The following BRAT1 variants were observed in gnomAD, a reference collection of about 807,000 sequenced individuals.
The protein encoded by BRAT1 is integrator complex assembly factor BRAT1.
BRAT1 carries 74 observed loss-of-function variants against 70.6 expected under a neutral mutation model. The ratio of observed to expected loss-of-function variants is 1.05; its 90% confidence interval spans 0.87 to 1.27. The LOEUF (loss-of-function observed/expected upper bound fraction) is 1.27, where lower values mean the gene tolerates loss of function less well. BRAT1 is among the 50% of genes most tolerant of loss of function. BRAT1 has a pLI of 0.00. For synonymous variants in BRAT1, 615 were observed against 517.1 expected (o/e 1.19, Z -2.57); for missense variants, 1,203 against 1,098.2 (o/e 1.10, Z -1.35).
Position 2,547,402 on chromosome 7 carries a change from C to T in BRAT1, c.204G>A (p.Leu68=). The T allele has an allele frequency of 1.2e-6, 2 of 1,614,138 alleles. No individual in the cohort carries two copies. Among genetic ancestry groups the T allele is most frequent in the Admixed American group, 1.7e-5 (1 of 60,020 alleles). ...LLSHVLKVQD[L]SSGVLSFSLR... ...GTGAGAAGGAGAGGACCCCAGAACTCAGGTCCTGGACTTTCAGCACATGGG... is the reference window on the plus strand; with the variant it reads ...GTGAGAAGGAGAGGACCCCAGAACTTAGGTCCTGGACTTTCAGCACATGGG... Residue 68 remains leucine (L), a synonymous_variant, in exon 3 of 14, where the codon CTG becomes CTA. Coordinates refer to ENST00000340611, the MANE Select transcript of BRAT1 (RefSeq NM_152743.4).
chr7:2,541,940 T>C (rs1779205215), intron 7 of BRAT1, 104 bp from the exon 8 acceptor site: 3 of 1,334,980 alleles, frequency 2.2e-6, no homozygotes, highest in South Asian at 1.3e-5. Context: ...AGGACCTAGG[T>C]GCAGAGCAGC....
intron 3 of BRAT1, among the ~76,000 whole-genome samples, chr7:2,545,576 G>A (rs1362209247): frequency 6.8e-6 from 1 of 146,966 alleles, no homozygotes; most frequent in Non-Finnish European, 1.5e-5. Context: ...TGCAACCTCT[G>A]CCTCCTGGGC....
At chr7:2,549,551 T>C (rs1481775687) in intron 2 of BRAT1, among the ~76,000 whole-genome samples, 3 of 151,656 alleles carry the variant, frequency 2.0e-5, no homozygotes, top group Non-Finnish European at 2.9e-5. Flanking sequence ...TTTATCAATC[T>C]GATGGAGGGC....
rs371170298 is a variant in BRAT1, at chr7:2,539,874, G to C, written c.1410C>G (p.Ala470=). 8.3e-6 allele frequency: 13 copies of C among 1,574,618 alleles called. 1 individual carries two copies. In the African/African-American group the frequency reaches 1.2e-4, roughly 15 times the overall value. The change falls in exon 11 of 14, where the codon GCC becomes GCG. Residue 470 remains alanine, a synonymous_variant. Coordinates refer to ENST00000340611, the MANE Select transcript of BRAT1 (RefSeq NM_152743.4). ...GGAGCCACCTGAGCGTGGCCTGGAAGGCCTTCTTCAGAACCTGGAGCAGAT... is the reference window on the plus strand; with the variant it reads ...GGAGCCACCTGAGCGTGGCCTGGAACGCCTTCTTCAGAACCTGGAGCAGAT... ...PGSSPTVLKK[A]FQATLRWLLS...
Position 2,542,137 on chromosome 7 carries a change from T to G in BRAT1, c.998A>C (p.Gln333Pro). 1 of 1,563,252 alleles carries G rather than the reference T, an allele frequency of 6.4e-7. No individual in the cohort carries two copies. Among genetic ancestry groups the G allele is most frequent in the East Asian group, 2.4e-5 (1 of 42,536 alleles). Residue 333 changes from glutamine to proline, a missense_variant, in exon 7 of 14, where the codon CAG becomes CCG. By Grantham distance (76) the Gln-to-Pro change is moderately conservative. Transcript: ENST00000340611. ...CAGCACACCTGGGGGTCCGGGGGCCTGAACCGTGGCCTTCAGGACACAGGC... is the reference window on the plus strand; with the variant it reads ...CAGCACACCTGGGGGTCCGGGGGCCGGAACCGTGGCCTTCAGGACACAGGC... ...PLACVLKATV[Q>P]APGPPGLLDG...
At chr7:2,547,620 G>T in intron 2 of BRAT1, 142 bp from the exon 3 acceptor site, 1 of 842,774 alleles carries the variant, frequency 1.2e-6, no homozygotes, top group Non-Finnish European at 1.8e-6. Context: ...AAAAATATCT[G>T]CAACAAATAC....
chr7:2,539,884 A>C lies in BRAT1; in HGVS notation c.1400T>G (p.Leu467Arg), dbSNP rs775626426. The C allele has an allele frequency of 1.3e-6, 2 of 1,561,658 alleles. No individual in the cohort carries two copies. Among genetic ancestry groups the C allele is most frequent in the Admixed American group, 3.9e-5 (2 of 50,652 alleles). The change falls in exon 11 of 14, where the codon CTG becomes CGG. Residue 467 changes from leucine (L) to arginine (R), a missense_variant. Leu to Arg is a moderately radical substitution (Grantham distance 102). Coordinates refer to ENST00000340611, the MANE Select transcript of BRAT1 (RefSeq NM_152743.4). ...LESPGSSPTVLKKAFQATLRW... is the reference protein window; with the variant it reads ...LESPGSSPTVRKKAFQATLRW... The stretch of plus-strand genomic sequence containing the variant: ...GAGCGTGGCCTGGAAGGCCTTCTTC[A>C]GAACCTGGAGCAGATAGGGTGGGCT...
At position 2,539,651 on chromosome 7, in the gene BRAT1, G is replaced by T; in HGVS notation, c.1499-9C>A. The T allele has an allele frequency of 6.3e-7, 1 of 1,584,524 alleles. No homozygotes were observed. The highest frequency in any genetic ancestry group is 1.3e-5 in the African/African-American group (1 of 74,280). On this transcript the variant is annotated splice_polypyrimidine_tract_variant and intron_variant, in intron 11 of 13. Transcript: ENST00000340611. ...CAGCACAGGGAACAGCTCTAGGGTG[G>T]GAAGGGACAGGTCAGGGTGACCTTG...
Position 2,541,848 on chromosome 7 carries a change from G to A in BRAT1, c.1016-12C>T. On this transcript the variant is annotated splice_polypyrimidine_tract_variant and intron_variant, in intron 7 of 13. Transcript: ENST00000340611. ...CCCGTCCAGCAAGCCTGGGGGCCAA[G>A]CCAGGAAGAGCTCCCTTAGAGAGCA... The A allele has an allele frequency of 6.2e-7, 1 of 1,611,488 alleles. No homozygotes were observed. Among genetic ancestry groups the A allele is most frequent in the South Asian group, 1.1e-5 (1 of 90,996 alleles).
chr7:2,545,026 C>A lies in BRAT1; in HGVS notation c.313G>T (p.Glu105Ter). ...QGELLPGLFG[E>*]PGPLGRATWA... is the part of the protein sequence containing the mutation. ...GTTGCTCGGCCGAGGGGTCCTGGCT[C>A]CCCAAAGAGCCCTGGTAGTAACTCC... The change falls in exon 4 of 14, where the codon GAG becomes TAG. Residue 105 changes from glutamate (E) to a stop codon, truncating the protein, a stop_gained. Transcript: ENST00000340611. LOFTEE classifies it high-confidence loss of function. The A allele has an allele frequency of 2.0e-6, 3 of 1,520,780 alleles. No individual in the cohort carries two copies. The highest frequency in any genetic ancestry group is 1.8e-6 in the Non-Finnish European group (2 of 1,133,348). The allele number at this position is 1,520,780 out of a possible 1,614,324, so 94.2% of individuals were successfully genotyped here.
intron 2 of BRAT1, among the ~76,000 whole-genome samples, chr7:2,552,104 ATATTTTTTTTTT>A (rs1453170045): frequency 7.5e-5 from 1 of 13,384 alleles, no homozygotes; most frequent in African/African-American, 2.5e-4. Flanking sequence ...ATATATATAT[ATATTTTTTTTTT>A]TTTTTTTTTT....
At position 2,543,586 on chromosome 7, in the gene BRAT1, T is replaced by C; in HGVS notation, c.803+4A>G. ...GCCCCCCAGCTGCGTCCCGGGGCCC[T>C]GACCGAGCCACACAGAGAAGCAGGT... On this transcript the variant is annotated splice_donor_region_variant and intron_variant, in intron 5 of 13. Transcript: ENST00000340611. This position sits in a 1 kb window ranked among gnomAD's most constrained non-coding sequence, Gnocchi z 5.5. 2 of 1,509,306 alleles carry C rather than the reference T, an allele frequency of 1.3e-6. No individual in the cohort carries two copies. Among genetic ancestry groups the C allele is most frequent in the Non-Finnish European group, 1.8e-6 (2 of 1,127,630 alleles). The allele number at this position is 1,509,306 out of a possible 1,614,324, so 93.5% of individuals were successfully genotyped here.
At chr7:2,546,191 A>T (rs1212619135) in intron 3 of BRAT1, among the ~76,000 whole-genome samples, 1 of 152,168 alleles carries the variant, frequency 6.6e-6, no homozygotes, top group East Asian at 1.9e-4. Context: ...ACTGTATCCC[A>T]ACACTTTGGG....
chr7:2,541,507 C>A, intron 8 of BRAT1, 23 bp from the exon 9 acceptor site: 1 of 1,517,686 alleles, frequency 6.6e-7, no homozygotes, highest in African/African-American at 1.4e-5. Flanking sequence ...GGGCCGTCAG[C>A]CAAGGTTGCG....
At chr7:2,555,085 T>C (rs1583348328) in intron 1 of BRAT1, among the ~76,000 whole-genome samples, 1 of 107,852 alleles carries the variant, frequency 9.3e-6, no homozygotes, top group Non-Finnish European at 1.8e-5. Flanking sequence ...TGGCTGCATC[T>C]GAAGCCGGCG....
In BRAT1 at chr7:2,543,708, G is replaced by GGCA. The variant is rs1779363898; in HGVS notation, c.682_684dup (p.Cys228dup). On this transcript the variant is annotated inframe_insertion, in exon 5 of 14. Coordinates refer to ENST00000340611, the MANE Select transcript of BRAT1 (RefSeq NM_152743.4). This position sits in a 1 kb window ranked among gnomAD's most constrained non-coding sequence, Gnocchi z 5.5. ...CACAGGGCTTCCGTCCAGGGGCTCT[G>GGCA]GCAGCGCCCGAAGGTCGTGGTCAGG... 1 of 1,579,794 alleles carries GGCA rather than the reference G, an allele frequency of 6.3e-7. No homozygotes were observed. The highest frequency in any genetic ancestry group is 1.3e-5 in the African/African-American group (1 of 74,518).
chr7:2,538,176 T>G lies in BRAT1; in HGVS notation c.2359A>C (p.Thr787Pro). 6.2e-7 allele frequency: 1 copy of G among 1,609,182 alleles called. No individual in the cohort carries two copies. The highest frequency in any genetic ancestry group is 8.5e-7 in the Non-Finnish European group (1 of 1,177,398). The stretch of plus-strand genomic sequence containing the variant: ...ACGTGGTCGCTGCTCTCGGCCAGCG[T>G]GCTCCGCAGGCCCTCCAGGTCTAGG... ...RSLDLEGLRS[T>P]LAESSDHVEK... The change falls in exon 14 of 14, where the codon ACG (threonine) becomes CCG (proline). Residue 787 changes from threonine to proline, a missense_variant. Thr to Pro is a conservative substitution (Grantham distance 38). Transcript: ENST00000340611.
At position 2,544,934 on chromosome 7, in the gene BRAT1, G is replaced by A. The variant is rs1011267673; in HGVS notation, c.405C>T (p.Ser135=). The change falls in exon 4 of 14, where the codon AGC becomes AGT. Residue 135 remains serine (S), a synonymous_variant. Transcript: ENST00000340611. ...QGLRSLAQHP[S]ALRFLADHGA... ...CATGGTCGGCCAGGAAGCGCAGGGC[G>A]CTGGGGTGCTGTGCCAGGGAGCGCA... 23 of 1,553,462 alleles carry A rather than the reference G, an allele frequency of 1.5e-5. No homozygotes were observed. The highest frequency in any genetic ancestry group is 1.7e-5 in the Non-Finnish European group (19 of 1,148,624).
At chr7:2,546,138 G>A (rs1031511985) in intron 3 of BRAT1, among the ~76,000 whole-genome samples, 1 of 152,238 alleles carries the variant, frequency 6.6e-6, no homozygotes, top group Non-Finnish European at 1.5e-5. Context: ...GAGCTCTCAT[G>A]CCTTGCTATG....
Sources: allele counts gnomAD v4.1 joint callset (sites outside exome capture counted in the v4.1 genomes callset), GRCh38; gene constraint gnomAD v4.1.1; non-coding constraint Gnocchi (gnomAD v3.1); transcripts MANE v1.5; gene names NCBI Gene and HGNC (gene_info 2026-07-23, HGNC 2026-07-21).